ASB15: variants seen among roughly 807,000 people sequenced by gnomAD.
ASB15 encodes the protein ankyrin repeat and SOCS box protein 15.
ASB15 carries 54 observed loss-of-function variants against 58.0 expected under a neutral mutation model. The ratio of observed to expected loss-of-function variants is 0.93; its 90% CI spans 0.75 to 1.17. The LOEUF is 1.17. ASB15 is among the 50% of genes most tolerant of loss of function. ASB15 has a pLI of 0.00. For missense variants in ASB15, 680 were observed against 707.4 expected, an observed-to-expected ratio of 0.96 and a Z score of 0.44; for synonymous variants, 249 against 262.4, an observed-to-expected ratio of 0.95 and a Z score of 0.50.
intron 11 of ASB15, among the ~76,000 whole-genome samples, chr7:123,634,412 T>C (rs1218224090): frequency 6.6e-6 from 1 of 152,228 alleles, no homozygotes; most frequent in Non-Finnish European, 1.5e-5. Flanking sequence ...CAGTATTCCA[T>C]GGTGTATATG....
At chr7:123,605,458 A>G (rs1800100814) in intron 2 of ASB15, among the ~76,000 whole-genome samples, 2 of 152,242 alleles carry the variant, frequency 1.3e-5, no homozygotes, top group South Asian at 2.1e-4. Context: ...AACTTAAAGC[A>G]GAATTACCAT....
In ASB15 at chr7:123,629,956, A is replaced by C; in HGVS notation, c.1441-10A>C. The stretch of plus-strand genomic sequence containing the variant: ...AATACTACTAAATTAAATTTTATCA[A>C]TTCTCTCAGTTCTGTGAGTTTATTA... On this transcript the variant is annotated splice_polypyrimidine_tract_variant and intron_variant, in intron 10 of 11. Coordinates refer to ENST00000451215, the MANE Select transcript of ASB15 (RefSeq NM_001290258.2). 2 of 1,544,806 alleles carry C rather than the reference A, an allele frequency of 1.3e-6. No homozygotes were observed. The highest frequency in any genetic ancestry group is 1.2e-5 in the South Asian group (1 of 82,372).
intron 1 of ASB15, among the ~76,000 whole-genome samples, chr7:123,594,838 T>G (rs1438667688): frequency 6.6e-6 from 1 of 152,240 alleles, no homozygotes; most frequent in Admixed American, 6.5e-5. Context: ...CAGGGACGTT[T>G]AAGCCTGCAG....
At chr7:123,618,375 A>G (rs997610119) in intron 7 of ASB15, among the ~76,000 whole-genome samples, 1 of 152,196 alleles carries the variant, frequency 6.6e-6, no homozygotes, top group Admixed American at 6.5e-5. Flanking sequence ...CCTTTCTCTT[A>G]GGGACACAGG....
At chr7:123,592,859 T>C (rs1799579646) in intron 1 of ASB15, among the ~76,000 whole-genome samples, 1 of 152,188 alleles carries the variant, frequency 6.6e-6, no homozygotes, top group African/African-American at 2.4e-5. Context: ...TGTCCAATAT[T>C]GACAGTGCGG....
chr7:123,567,443 T>C (rs1158348878), intron 1 of ASB15, among the ~76,000 whole-genome samples: 9 of 152,196 alleles, frequency 5.9e-5, no homozygotes, highest in Non-Finnish European at 1.0e-4. Flanking sequence ...GTGATGCCTC[T>C]AGCCTATCCA....
At chr7:123,591,177 T>C (rs1799527874) in intron 1 of ASB15, among the ~76,000 whole-genome samples, 1 of 151,114 alleles carries the variant, frequency 6.6e-6, no homozygotes, top group Admixed American at 6.6e-5. Context: ...TGAAGTTGCT[T>C]ATCAGCTTAA....
chr7:123,597,384 GTTC>G (rs1799728304), upstream of ASB15, among the ~76,000 whole-genome samples: 1 of 152,028 alleles, frequency 6.6e-6, no homozygotes, highest in African/African-American at 2.4e-5. Context: ...TGTTATAATT[GTTC>G]TTCATTATTA....
chr7:123,601,370 A>G (rs1404091618), upstream of ASB15, among the ~76,000 whole-genome samples: 1 of 152,192 alleles, frequency 6.6e-6, no homozygotes. Context: ...ATATCAGACT[A>G]GCAATTATTA....
chr7:123,631,749 T>A (rs999967366), intron 11 of ASB15, among the ~76,000 whole-genome samples: 2 of 152,020 alleles, frequency 1.3e-5, no homozygotes, highest in African/African-American at 4.8e-5. Flanking sequence ...GAACCAAGCA[T>A]CCTTCTAAAA....
chr7:123,603,567 A>T (rs1799992170), intron 1 of ASB15, among the ~76,000 whole-genome samples: 1 of 152,184 alleles, frequency 6.6e-6, no homozygotes, highest in South Asian at 2.1e-4. Context: ...CAATGTCAAC[A>T]TAGAGGCCTC....
chr7:123,634,312 T>A (rs1390070528), intron 11 of ASB15, among the ~76,000 whole-genome samples: 3 of 152,192 alleles, frequency 2.0e-5, no homozygotes, highest in Non-Finnish European at 4.4e-5. Context: ...TTTGGTTTTC[T>A]GTTCCTGCAT....
At position 123,575,821 on chromosome 7, in the gene ASB15, T is replaced by TC. The variant is rs564038908; in HGVS notation, c.-443+8733_-443+8734insC. Among the ~76,000 whole-genome samples, 11 of 151,118 alleles carry TC rather than the reference T, an allele frequency of 7.3e-5. No individual in the cohort carries two copies. The South Asian group carries it at 2.3e-3, about 31-fold the overall frequency. On this transcript the variant is annotated intron_variant, in intron 1 of 13. Transcript: ENST00000451558. ...ACCTGGCAGCATGAAGTTTTCTTTT[T>TC]TTTTTTTTTTGAAATCCACTGACAC...
upstream of ASB15, among the ~76,000 whole-genome samples, chr7:123,599,160 T>C (rs1188616279): frequency 1.3e-5 from 2 of 152,096 alleles, no homozygotes; most frequent in African/African-American, 4.8e-5. Flanking sequence ...GCCTGAAATA[T>C]ACCAAAGTGA....
At chr7:123,613,440 T>C (rs6966714) in intron 3 of ASB15, among the ~76,000 whole-genome samples, 70,931 of 152,062 alleles carry the variant, frequency 0.47, 16,891 homozygotes, top group East Asian at 0.68. Context: ...ATTTACTAAA[T>C]GTCCTCTCTA....
chr7:123,630,166 A>T, intron 11 of ASB15, 47 bp downstream of exon 11: 1 of 1,389,184 alleles, frequency 7.2e-7, no homozygotes, highest in Non-Finnish European at 9.8e-7. Flanking sequence ...AAGAACTTAT[A>T]TGGGGGAAAT....
At chr7:123,601,615 T>A (rs1433173592), upstream of ASB15, among the ~76,000 whole-genome samples, 1 of 152,196 alleles carries the variant, frequency 6.6e-6, no homozygotes. Flanking sequence ...TCCCTGCAGC[T>A]GAATTGGCAG....
At chr7:123,594,259 G>A (rs752431041) in intron 1 of ASB15, among the ~76,000 whole-genome samples, 6 of 151,854 alleles carry the variant, frequency 4.0e-5, no homozygotes, top group Non-Finnish European at 5.9e-5. Context: ...TGTTATTACC[G>A]ACTTCTGAGG....
rs1451487260 is a variant in ASB15, at chr7:123,624,654, A to G, written c.537A>G (p.Ser179=). 8 of 1,614,088 alleles carry G rather than the reference A, an allele frequency of 5.0e-6. No homozygotes were observed. The Admixed American group carries it at 1.3e-4, about 27-fold the overall frequency. ...SLDQPCVKRW[S]AMHEAAKQGR... ...ACCAGCCCTGTGTCAAGCGATGGTC[A>G]GCAATGCATGAAGCAGCCAAGCAAG... The change falls in exon 8 of 12, where the codon TCA becomes TCG. Residue 179 remains serine (S), a synonymous_variant. Coordinates refer to ENST00000451215, the MANE Select transcript of ASB15 (RefSeq NM_001290258.2).
Sources: gnomAD v4.1 joint callset for allele counts (sites outside exome capture counted in the v4.1 genomes callset) on GRCh38, gnomAD v4.1.1 for gene constraint, MANE v1.5 for transcripts, NCBI Gene and HGNC (gene_info 2026-07-23, HGNC 2026-07-21) for gene names.